The following BDNF variants were observed in gnomAD, a reference collection of about 807,000 sequenced individuals.
BDNF encodes the protein brain derived neurotrophic factor.
A neutral mutation model predicts 19.5 loss-of-function variants in BDNF; 1 was observed. The ratio of observed to expected loss-of-function variants is 0.05; its 90% confidence interval spans 0.02 to 0.24. BDNF has a LOEUF of 0.24. BDNF is among the 10% of genes least tolerant of loss of function. The probability of loss-of-function intolerance (pLI) is 1.00; values close to 1 mark genes in which losing one functional copy is unlikely to be tolerated. For missense variants in BDNF, 195 were observed against 317.6 expected (o/e 0.61, Z 2.93); for synonymous variants, 100 against 121.6 (o/e 0.82, Z 1.17).
At chr11:27,719,357 A>G (rs1341947083) in intron 1 of BDNF, among the ~76,000 whole-genome samples, 1 of 152,188 alleles carries the variant, frequency 6.6e-6, no homozygotes, top group African/African-American at 2.4e-5. Context: ...GGCTCTGTCC[A>G]GCCGCCGCAC....
At chr11:27,672,574 C>T (rs529209698) in intron 1 of BDNF, among the ~76,000 whole-genome samples, 4 of 152,184 alleles carry the variant, frequency 2.6e-5, no homozygotes, top group Non-Finnish European at 4.4e-5. Context: ...TTTAAACAAA[C>T]GAAACTCGCA....
rs1564989303 is a variant in BDNF at position 27,700,313 on chromosome 11, A to C, written c.-171T>G. On this transcript the variant is annotated 5_prime_UTR_variant, in exon 1 of 2. Coordinates refer to ENST00000356660, the MANE Select transcript of BDNF (RefSeq NM_001709.5). ...GTGGGTGTCTCATTAAAGCCCCCCG[A>C]GCAGGAGGTGGAGGGGCGCACCGGG... is the stretch of plus-strand genomic sequence containing the variant. 1 of 984,808 alleles carries C rather than the reference A, an allele frequency of 1.0e-6. No individual in the cohort carries two copies. Among genetic ancestry groups the C allele is most frequent in the East Asian group, 1.1e-4 (1 of 8,708 alleles). 61.0% of individuals were successfully genotyped at this position (984,808 alleles called of 1,614,324 possible).
intron 1 of BDNF, among the ~76,000 whole-genome samples, chr11:27,670,356 C>A (rs1289702447): frequency 1.4e-5 from 2 of 148,056 alleles, no homozygotes; most frequent in Non-Finnish European, 3.0e-5. Flanking sequence ...TGGACAAGGA[C>A]TTCATGACTA....
At chr11:27,718,779 T>C (rs1427557323) in intron 1 of BDNF, among the ~76,000 whole-genome samples, 1 of 152,138 alleles carries the variant, frequency 6.6e-6, no homozygotes, top group Non-Finnish European at 1.5e-5. Flanking sequence ...GCTTCGCCTA[T>C]GAATCCACCT....
At chr11:27,667,665 C>G (rs1564952896) in intron 1 of BDNF, among the ~76,000 whole-genome samples, 1 of 152,062 alleles carries the variant, frequency 6.6e-6, no homozygotes, top group South Asian at 2.1e-4. Context: ...TCAAAAGAGA[C>G]AAAGAAGGCC....
intron 1 of BDNF, among the ~76,000 whole-genome samples, chr11:27,664,477 T>A (rs1489663193): frequency 6.6e-6 from 1 of 152,010 alleles, no homozygotes; most frequent in Non-Finnish European, 1.5e-5. Flanking sequence ...AAGGAATGCA[T>A]TGTCAAGAAG....
In BDNF at chr11:27,684,813, G is replaced by A. The variant is rs1857273603; in HGVS notation, c.-22+15351C>T. Among the ~76,000 whole-genome samples, 2 of 152,062 alleles carry A rather than the reference G, an allele frequency of 1.3e-5. 1 individual carries two copies. The highest frequency in any genetic ancestry group is 4.1e-4 in the South Asian group (2 of 4,822). ...GGATTCAGTTTACCAGTTTTTTATT[G>A]AAGATTTTTGCATCAATGTTCATCA... On this transcript the variant is annotated intron_variant, in intron 1 of 1. Coordinates refer to ENST00000356660, the MANE Select transcript of BDNF (RefSeq NM_001709.5).
chr11:27,718,361 C>CCT (rs1404636596), intron 1 of BDNF, among the ~76,000 whole-genome samples: 7 of 144,266 alleles, frequency 4.9e-5, no homozygotes, highest in Admixed American at 2.8e-4. Context: ...ACCACCCCCC[C>CCT]CCGCCCCTCC....
chr11:27,685,609 A>T (rs2133984920), intron 1 of BDNF, among the ~76,000 whole-genome samples: 1 of 152,180 alleles, frequency 6.6e-6, no homozygotes, highest in Non-Finnish European at 1.5e-5. Flanking sequence ...CTTTATTCTC[A>T]TTGGTCTCAA....
intron 1 of BDNF, among the ~76,000 whole-genome samples, chr11:27,661,284 A>G (rs1478903548): frequency 1.3e-5 from 2 of 152,206 alleles, no homozygotes; most frequent in African/African-American, 4.8e-5. Context: ...ACCAAACTCA[A>G]TACTTTTTGT....
At chr11:27,696,963 G>A (rs191978024) in intron 1 of BDNF, among the ~76,000 whole-genome samples, 2 of 152,254 alleles carry the variant, frequency 1.3e-5, no homozygotes, top group African/African-American at 2.4e-5. Context: ...TCTGTACTCC[G>A]GGATTAATTT....
At chr11:27,688,764 G>C (rs528407875) in intron 1 of BDNF, among the ~76,000 whole-genome samples, 1 of 152,290 alleles carries the variant, frequency 6.6e-6, no homozygotes, top group South Asian at 2.1e-4. Flanking sequence ...GTCCCAATGA[G>C]ATGAGCCCGG....
intron 1 of BDNF, among the ~76,000 whole-genome samples, chr11:27,661,999 T>G (rs559876996): frequency 2.6e-4 from 10 of 38,022 alleles, no homozygotes; most frequent in African/African-American, 4.2e-4. Flanking sequence ...CCTTCTCACT[T>G]GTTTTGTTTT....
At chr11:27,714,620 A>G (rs1860447508) in intron 1 of BDNF, among the ~76,000 whole-genome samples, 1 of 152,086 alleles carries the variant, frequency 6.6e-6, no homozygotes, top group Non-Finnish European at 1.5e-5. Context: ...TGTTACTTTG[A>G]TTTTTTTCAT....
chr11:27,704,124 T>A (rs540963206), upstream of BDNF, among the ~76,000 whole-genome samples: 1 of 152,316 alleles, frequency 6.6e-6, no homozygotes, highest in South Asian at 2.1e-4. Context: ...TCTGGCATAA[T>A]TGATATGTTA....
Position 27,692,215 on chromosome 11 carries a change from C to G in BDNF, c.-22+7949G>C, listed in dbSNP as rs141089709. ...TTGTTTATGGACTATAAATAAGGAG[C>G]AGACTTATGGCCAATGCATTAGAAA... On this transcript the variant is annotated intron_variant, in intron 1 of 1. Coordinates refer to ENST00000356660, the MANE Select transcript of BDNF (RefSeq NM_001709.5). 2.1e-4 allele frequency among the ~76,000 whole-genome samples: 32 copies of G among 152,276 alleles called. No individual in the cohort carries two copies. In the East Asian group the frequency reaches 6.2e-3, roughly 29 times the overall value.
intron 1 of BDNF, chr11:27,673,914 G>C: frequency 1.1e-6 from 1 of 937,110 alleles, no homozygotes. Context: ...AAAAACAAGA[G>C]AGATGAAAAC....
chr11:27,704,772 T>C (rs559465266), upstream of BDNF, among the ~76,000 whole-genome samples: 1 of 152,332 alleles, frequency 6.6e-6, no homozygotes, highest in Non-Finnish European at 1.5e-5. Flanking sequence ...AGGCCTGTCC[T>C]GAGAAAAACC....
Position 27,656,912 on chromosome 11 carries a change from T to TG in BDNF, c.*908dup. On this transcript the variant is annotated 3_prime_UTR_variant, in exon 2 of 2. Transcript: ENST00000356660. The stretch of plus-strand genomic sequence containing the variant: ...GGTAAAATATTTCAGAACGCGCAAC[T>TG]GATTTTTCTTCCTTAAAACAAAACA... 1 of 985,312 alleles carries TG rather than the reference T, an allele frequency of 1.0e-6. No individual in the cohort carries two copies. Among genetic ancestry groups the TG allele is most frequent in the Non-Finnish European group, 1.2e-6 (1 of 829,936 alleles). The allele number at this position is 985,312 out of a possible 1,614,324, so 61.0% of individuals were successfully genotyped here. A position where few individuals can be genotyped will look rare whatever the true frequency, so the allele number is the denominator to read the frequency against.
Sources: gnomAD v4.1 joint callset for allele counts (sites outside exome capture counted in the v4.1 genomes callset) on GRCh38, gnomAD v4.1.1 for gene constraint, MANE v1.5 for transcripts, NCBI Gene and HGNC (gene_info 2026-07-23, HGNC 2026-07-21) for gene names.